Variants in MYO5B observed in about 807,000 individuals in gnomAD.
MYO5B encodes myosin VB, also known as unconventional myosin-Vb.
Under a neutral mutation model 229.3 loss-of-function variants are expected in MYO5B, and 143 were observed. That is an observed-to-expected ratio of 0.62 (90% CI 0.54 to 0.72). The LOEUF is 0.72. Among genes scored for constraint, MYO5B ranks in the 30% least tolerant of loss-of-function variants. MYO5B has a pLI of 0.00. For synonymous variants in MYO5B, 918 were observed against 885.2 expected, an observed-to-expected ratio of 1.04 and a Z score of -0.66; for missense variants, 2,321 against 2,331.0, an observed-to-expected ratio of 1.00 and a Z score of 0.09.
intron 4 of MYO5B, among the ~76,000 whole-genome samples, chr18:50,019,447 G>A (rs1941746094): frequency 6.6e-6 from 1 of 152,058 alleles, no homozygotes; most frequent in Non-Finnish European, 1.5e-5. Flanking sequence ...CCTCTATTTC[G>A]GATCTATCTC....
In MYO5B at chr18:49,825,006, T is replaced by G. The variant is rs1417048834; in HGVS notation, c.*1465A>C. 6.6e-6 allele frequency: 1 copy of G among 152,250 alleles called. No individual in the cohort carries two copies. Among genetic ancestry groups the G allele is most frequent in the Non-Finnish European group, 1.5e-5 (1 of 68,056 alleles). The allele number at this position is 152,250 out of a possible 1,614,324, so 9.4% of individuals were successfully genotyped here. On this transcript the variant is annotated 3_prime_UTR_variant, in exon 40 of 40. Coordinates refer to ENST00000285039, the MANE Select transcript of MYO5B (RefSeq NM_001080467.3). The stretch of plus-strand genomic sequence containing the variant: ...GTGTGCTGTGTTTCCAAGAGCCTTT[T>G]AAGTTGGGTGGTTGAGTAAAAGAGG...
chr18:49,882,947 C>G (rs2024604606), intron 22 of MYO5B, among the ~76,000 whole-genome samples: 1 of 152,194 alleles, frequency 6.6e-6, no homozygotes, highest in African/African-American at 2.4e-5. Context: ...CAAACTACAG[C>G]CCAGTATCTC....
At chr18:49,875,232 G>T (rs1322723891) in intron 26 of MYO5B, among the ~76,000 whole-genome samples, 2 of 152,166 alleles carry the variant, frequency 1.3e-5, no homozygotes, top group Admixed American at 1.3e-4. Flanking sequence ...TGAGGCAAGG[G>T]TGCAGCCATG....
intron 4 of MYO5B, among the ~76,000 whole-genome samples, chr18:50,027,016 C>G (rs1244324377): frequency 1.3e-5 from 2 of 152,068 alleles, no homozygotes; most frequent in Admixed American, 1.3e-4. Context: ...AAACTCAGGC[C>G]CATTGTCAGA....
At chr18:50,024,637 G>A (rs962627983) in intron 4 of MYO5B, among the ~76,000 whole-genome samples, 8 of 152,154 alleles carry the variant, frequency 5.3e-5, no homozygotes, top group African/African-American at 1.7e-4. Context: ...TTATCGATCT[G>A]TAATAGGGGC....
chr18:50,063,443 GC>G, intron 1 of MYO5B, among the ~76,000 whole-genome samples: 1 of 152,242 alleles, frequency 6.6e-6, no homozygotes, highest in Middle Eastern at 3.4e-3. Context: ...CCACCCAGAT[GC>G]CTCCCTATCT....
intron 4 of MYO5B, among the ~76,000 whole-genome samples, chr18:50,027,614 A>C (rs113818725): frequency 0.038 from 5,828 of 152,276 alleles, 369 homozygotes; most frequent in African/African-American, 0.13. Context: ...AGCAAGACTT[A>C]GTACACATGA....
rs1568083178 is a variant in MYO5B at position 50,043,302 on chromosome 18, A to AT, written c.139-2989dup. On this transcript the variant is annotated intron_variant, in intron 2 of 39. Transcript: ENST00000285039. ...TTTATATTTATATATTATATATAAT[A>AT]TATAATATAAATATATAAAATATAT... Among the ~76,000 whole-genome samples the AT allele has an allele frequency of 1.9e-5, 2 of 107,336 alleles. 1 individual carries two copies. Among genetic ancestry groups the AT allele is most frequent in the African/African-American group, 7.5e-5 (2 of 26,664 alleles). The allele number at this position is 107,336 out of a possible 152,430, so 70.4% of individuals were successfully genotyped here.
intron 1 of MYO5B, among the ~76,000 whole-genome samples, chr18:50,186,190 G>C (rs770076888): frequency 1.3e-5 from 2 of 152,202 alleles, no homozygotes; most frequent in Admixed American, 1.3e-4. Context: ...CTCATCCCAA[G>C]CTGGGCCAGC....
chr18:50,160,471 A>G (rs745936836), intron 1 of MYO5B, among the ~76,000 whole-genome samples: 19 of 152,230 alleles, frequency 1.2e-4, no homozygotes, highest in Non-Finnish European at 2.1e-4. Flanking sequence ...TATCAGCAAC[A>G]TTCTCCACAA....
intron 10 of MYO5B, among the ~76,000 whole-genome samples, chr18:49,963,910 C>G (rs572558107): frequency 6.6e-5 from 10 of 152,244 alleles, no homozygotes; most frequent in Admixed American, 4.6e-4. Context: ...CAGTCAGCCC[C>G]CTCGCAAGCC....
In MYO5B at chr18:50,058,297, C is replaced by T. The variant is rs2030601624; in HGVS notation, c.28-2919G>A. 2.0e-5 allele frequency among the ~76,000 whole-genome samples: 3 copies of T among 151,998 alleles called. No individual in the cohort carries two copies. In the South Asian group the frequency reaches 6.2e-4, roughly 32 times the overall value. ...CCTGGGCAATATAGCAAGACCCTGT[C>T]TCTACAAAACTTAAAAAAGAAAATT... is the stretch of plus-strand genomic sequence containing the variant. On this transcript the variant is annotated intron_variant, in intron 1 of 39. Coordinates refer to ENST00000285039, the MANE Select transcript of MYO5B (RefSeq NM_001080467.3).
chr18:49,836,157 A>G (rs575627462), intron 38 of MYO5B, among the ~76,000 whole-genome samples: 4 of 152,324 alleles, frequency 2.6e-5, no homozygotes, highest in African/African-American at 9.6e-5. Flanking sequence ...AGGGACTGGC[A>G]ATGTGTCGGC....
At chr18:49,852,390 C>A (rs192392510) in intron 31 of MYO5B, among the ~76,000 whole-genome samples, 7 of 152,128 alleles carry the variant, frequency 4.6e-5, no homozygotes, top group Non-Finnish European at 1.0e-4. Context: ...AGGTAACACA[C>A]GTATATGCAA....
At chr18:49,848,146 C>T (rs1348083939) in intron 32 of MYO5B, among the ~76,000 whole-genome samples, 1 of 152,170 alleles carries the variant, frequency 6.6e-6, no homozygotes, top group Non-Finnish European at 1.5e-5. Context: ...TTAATCTGTC[C>T]CTGGCCAGTC....
At chr18:49,858,124 T>A (rs2024284601) in intron 29 of MYO5B, among the ~76,000 whole-genome samples, 1 of 152,218 alleles carries the variant, frequency 6.6e-6, no homozygotes, top group Non-Finnish European at 1.5e-5. Context: ...GCTCTTTTAA[T>A]GTTTAACCTG....
In MYO5B at chr18:49,835,687, G is replaced by A. The variant is rs114197842; in HGVS notation, c.5314-263C>T. The stretch of plus-strand genomic sequence containing the variant: ...CTGCCCCTCCCCACTATGCTCATTG[G>A]TATACACAATGAGGAGTTTAGAATG... On this transcript the variant is annotated intron_variant, in intron 38 of 39. Transcript: ENST00000285039. 8.7e-3 allele frequency among the ~76,000 whole-genome samples: 1,317 copies of A among 152,198 alleles called. 37 individuals are homozygous for A. In the South Asian group the frequency reaches 0.12, roughly 13 times the overall value.
intron 17 of MYO5B, among the ~76,000 whole-genome samples, chr18:49,920,312 A>G (rs777725489): frequency 2.0e-5 from 3 of 152,228 alleles, no homozygotes; most frequent in Non-Finnish European, 2.9e-5. Flanking sequence ...AATTATATCT[A>G]AATTTTGAAA....
chr18:49,921,268 T>A (rs4939919), intron 17 of MYO5B, among the ~76,000 whole-genome samples: 4 of 150,130 alleles, frequency 2.7e-5, no homozygotes, highest in Non-Finnish European at 4.4e-5. Context: ...TTTTTTTTTT[T>A]TTTTTTTTTT....
Sources: gnomAD v4.1 joint callset for allele counts (sites outside exome capture counted in the v4.1 genomes callset) on GRCh38, gnomAD v4.1.1 for gene constraint, MANE v1.5 for transcripts, NCBI Gene and HGNC (gene_info 2026-07-23, HGNC 2026-07-21) for gene names.